Variants in EIF2S2 observed in about 807,000 individuals in gnomAD.
EIF2S2 encodes the protein eukaryotic translation initiation factor 2 subunit 2.
A neutral mutation model predicts 44.0 loss-of-function variants in EIF2S2; 4 were observed. The observed-to-expected ratio is 0.09, with a 90% CI of 0.04 to 0.21. The LOEUF (loss-of-function observed/expected upper bound fraction) is 0.21, where lower values mean the gene tolerates loss of function less well. Ranked by LOEUF, EIF2S2 falls within the 10% of genes least tolerant of loss-of-function variation. The pLI, the probability that EIF2S2 is intolerant of heterozygous loss-of-function variation, is 1.00. For missense variants in EIF2S2, 154 were observed against 392.0 expected, an observed-to-expected ratio of 0.39 and a Z score of 5.13; for synonymous variants, 108 against 128.3, an observed-to-expected ratio of 0.84 and a Z score of 1.07.
Position 34,088,970 on chromosome 20 carries a change from C to A in EIF2S2, c.*760G>T, listed in dbSNP as rs2034128318. ...CTGAACCGCACACACATCGCTTCCT[C>A]ACCAAGAGAGATGCTCAACTAGGAT... On this transcript the variant is annotated 3_prime_UTR_variant, in exon 9 of 9. Coordinates refer to ENST00000374980, the MANE Select transcript of EIF2S2 (RefSeq NM_003908.5). 6.6e-6 allele frequency: 1 copy of A among 152,606 alleles called. No homozygotes were observed. Among genetic ancestry groups the A allele is most frequent in the Admixed American group, 6.5e-5 (1 of 15,278 alleles). The allele number at this position is 152,606 out of a possible 1,614,324, so 9.5% of individuals were successfully genotyped here.
chr20:34,102,171 T>C (rs1601536571), intron 3 of EIF2S2, among the ~76,000 whole-genome samples: 1 of 152,192 alleles, frequency 6.6e-6, no homozygotes, highest in East Asian at 1.9e-4. Context: ...AATCTTCCAA[T>C]AAAAGCTACT....
chr20:34,098,388 G>A (rs1040070892), intron 4 of EIF2S2, 110 bp downstream of exon 4: 3 of 1,252,282 alleles, frequency 2.4e-6, no homozygotes, highest in East Asian at 2.3e-5. Flanking sequence ...TCAGTCAGTA[G>A]AAATAAGGGG....
At chr20:34,099,901 A>G (rs1030278778) in intron 3 of EIF2S2, among the ~76,000 whole-genome samples, 8 of 152,196 alleles carry the variant, frequency 5.3e-5, no homozygotes, top group African/African-American at 1.9e-4. Flanking sequence ...GAGCTGCCAC[A>G]CCAGGGACAT....
At chr20:34,096,498 T>C (rs1158071016) in intron 6 of EIF2S2, among the ~76,000 whole-genome samples, 159 bp downstream of exon 6, 1 of 151,974 alleles carries the variant, frequency 6.6e-6, no homozygotes, top group East Asian at 1.9e-4. Flanking sequence ...GACTTATGAA[T>C]TGAAGAAAAT....
rs2034231673 is a variant in EIF2S2 at position 34,096,587 on chromosome 20, C to T, written c.683+70G>A. ...TCTATAATAAAGTCGACAATAAGGACATTTAACATTCTTAAAACTGCAATG... is the reference window on the plus strand; with the variant it reads ...TCTATAATAAAGTCGACAATAAGGATATTTAACATTCTTAAAACTGCAATG... On this transcript the variant is annotated intron_variant, in intron 6 of 8. Coordinates refer to ENST00000374980, the MANE Select transcript of EIF2S2 (RefSeq NM_003908.5). 17 of 1,448,008 alleles carry T rather than the reference C, an allele frequency of 1.2e-5. No homozygotes were observed. In the South Asian group the frequency reaches 2.0e-4, roughly 17 times the overall value. 89.7% of individuals were successfully genotyped at this position (1,448,008 alleles called of 1,614,324 possible).
At chr20:34,095,944 A>G (rs145713386) in intron 6 of EIF2S2, among the ~76,000 whole-genome samples, 1 of 152,318 alleles carries the variant, frequency 6.6e-6, no homozygotes, top group Non-Finnish European at 1.5e-5. Context: ...AGCCATTCCC[A>G]GACAGTAACC....
At chr20:34,093,609 C>T in intron 7 of EIF2S2, 66 bp downstream of exon 7, 1 of 1,390,788 alleles carries the variant, frequency 7.2e-7, no homozygotes, top group Non-Finnish European at 9.9e-7. Flanking sequence ...TGTTACATAT[C>T]CTTTTCAAGA....
At chr20:34,093,754 T>TAAA in intron 6 of EIF2S2, 23 bp from the exon 7 acceptor site, 1 of 1,580,534 alleles carries the variant, frequency 6.3e-7, no homozygotes, top group South Asian at 1.2e-5. Flanking sequence ...TCAAAATATA[T>TAAA]AAACCTTATC....
rs927510881 is a variant in EIF2S2, at chr20:34,109,174, CT to C, written c.15+2921del. Reference sequence around the variant, plus strand: ...CACACATCCCATTTTGAATCAAATACTTTTTTTTTTAATTTAAAGCTTCTTT... The same window carrying C: ...CACACATCCCATTTTGAATCAAATACTTTTTTTTTAATTTAAAGCTTCTTT... On this transcript the variant is annotated intron_variant, in intron 1 of 8. Coordinates refer to ENST00000374980, the MANE Select transcript of EIF2S2 (RefSeq NM_003908.5). Among the ~76,000 whole-genome samples the C allele has an allele frequency of 2.2e-4, 32 of 148,832 alleles. 2 individuals are homozygous for C. In the South Asian group the frequency reaches 2.8e-3, roughly 13 times the overall value.
At chr20:34,102,629 A>G (rs1395459112) in intron 3 of EIF2S2, among the ~76,000 whole-genome samples, 4 of 152,206 alleles carry the variant, frequency 2.6e-5, no homozygotes, top group Non-Finnish European at 4.4e-5. Flanking sequence ...CAAATAAACT[A>G]CTTATCAAAG....
intron 3 of EIF2S2, among the ~76,000 whole-genome samples, chr20:34,101,791 C>T (rs896301195): frequency 9.2e-5 from 14 of 151,562 alleles, no homozygotes; most frequent in Non-Finnish European, 1.9e-4. Context: ...TCTCCTGCCA[C>T]AGCCTCCTAA....
intron 3 of EIF2S2, among the ~76,000 whole-genome samples, chr20:34,100,794 T>C (rs1158569512): frequency 1.3e-5 from 2 of 152,086 alleles, no homozygotes; most frequent in Non-Finnish European, 1.5e-5. Flanking sequence ...GGAAACAAAG[T>C]AAAGCTTGAC....
chr20:34,097,545 G>C lies in EIF2S2; in HGVS notation c.434-29C>G, dbSNP rs776689591. On this transcript the variant is annotated intron_variant, in intron 4 of 8. Transcript: ENST00000374980. ...CAGATAAAAAAGATTTTAAGAATGA[G>C]GGGTGGGCCCTACTACAATACAAAA... 4 of 1,587,134 alleles carry C rather than the reference G, an allele frequency of 2.5e-6. No individual in the cohort carries two copies. In the South Asian group the frequency reaches 3.3e-5, roughly 13 times the overall value.
At chr20:34,090,796 T>A (rs1326374839) in intron 7 of EIF2S2, among the ~76,000 whole-genome samples, 194 bp from the exon 8 acceptor site, 1 of 152,160 alleles carries the variant, frequency 6.6e-6, no homozygotes, top group South Asian at 2.1e-4. Flanking sequence ...TCGCCCAGAC[T>A]GGAGTGCAGT....
At chr20:34,098,220 T>A (rs1279269858) in intron 4 of EIF2S2, among the ~76,000 whole-genome samples, 2 of 149,646 alleles carry the variant, frequency 1.3e-5, no homozygotes, top group Non-Finnish European at 3.0e-5. Flanking sequence ...CACTTCAGCC[T>A]GGGCGACAAG....
chr20:34,107,108 G>A (rs2034358732), intron 1 of EIF2S2, among the ~76,000 whole-genome samples: 1 of 152,178 alleles, frequency 6.6e-6, no homozygotes, highest in East Asian at 1.9e-4. Context: ...AACATGGGCA[G>A]TGGAGCTTGC....
chr20:34,105,710 C>T (rs1321470661), intron 1 of EIF2S2, among the ~76,000 whole-genome samples, 165 bp from the exon 2 acceptor site: 1 of 152,170 alleles, frequency 6.6e-6, no homozygotes, highest in African/African-American at 2.4e-5. Flanking sequence ...GTCCACCCAA[C>T]CTTCTTGTTA....
chr20:34,095,512 C>G (rs1474765050), intron 6 of EIF2S2, among the ~76,000 whole-genome samples: 1 of 152,166 alleles, frequency 6.6e-6, no homozygotes, highest in Non-Finnish European at 1.5e-5. Flanking sequence ...CGGGGTTTCA[C>G]TATGTTGGCC....
Position 34,112,191 on chromosome 20 carries a change from C to T in EIF2S2, c.-81G>A. The T allele has an allele frequency of 1.4e-6, 2 of 1,433,280 alleles. No individual in the cohort carries two copies. The highest frequency in any genetic ancestry group is 1.9e-6 in the Non-Finnish European group (2 of 1,065,046). 88.8% of individuals were successfully genotyped at this position (1,433,280 alleles called of 1,614,324 possible). ...GCCCCGGCGGCAGCGCTGCCCCTGCCGATACCTCTCCCACCACCGCACTAG... is the reference window on the plus strand; with the variant it reads ...GCCCCGGCGGCAGCGCTGCCCCTGCTGATACCTCTCCCACCACCGCACTAG... On this transcript the variant is annotated 5_prime_UTR_variant, in exon 1 of 9. Transcript: ENST00000374980.
Sources: gnomAD v4.1 joint callset for allele counts (sites outside exome capture counted in the v4.1 genomes callset) on GRCh38, gnomAD v4.1.1 for gene constraint, MANE v1.5 for transcripts, NCBI Gene and HGNC (gene_info 2026-07-23, HGNC 2026-07-21) for gene names.